Variants in PIWIL2 observed in about 807,000 individuals in gnomAD.
PIWIL2 encodes piwi like RNA-mediated gene silencing 2, also known as piwi-like protein 2.
Under a neutral mutation model 116.5 loss-of-function variants are expected in PIWIL2, and 81 were observed. The observed-to-expected ratio is 0.70, with a 90% CI of 0.58 to 0.84. The LOEUF (loss-of-function observed/expected upper bound fraction) is 0.84, where lower values mean the gene tolerates loss of function less well. PIWIL2 is among the 40% of genes least tolerant of loss of function. The pLI, the probability that PIWIL2 is intolerant of heterozygous loss-of-function variation, is 0.00. For synonymous variants in PIWIL2, 489 were observed against 429.5 expected (o/e 1.14, Z -1.71); for missense variants, 1,272 against 1,212.3 (o/e 1.05, Z -0.73).
chr8:22,322,586 G>A (rs968938051), intron 20 of PIWIL2, among the ~76,000 whole-genome samples: 6 of 132,210 alleles, frequency 4.5e-5, no homozygotes, highest in Admixed American at 8.1e-5. Context: ...GTCCTGTCCC[G>A]TCCCGTCCTG....
intron 14 of PIWIL2, among the ~76,000 whole-genome samples, chr8:22,308,943 G>A (rs899562969): frequency 3.3e-5 from 5 of 150,534 alleles, no homozygotes; most frequent in Non-Finnish European, 4.4e-5. Context: ...GAGCCACCAC[G>A]CTAGCCCTTG....
intron 20 of PIWIL2, among the ~76,000 whole-genome samples, chr8:22,350,534 T>C (rs1034748085): frequency 1.3e-5 from 2 of 151,830 alleles, no homozygotes. Context: ...GAGGTGGAGG[T>C]TGCAGTGAGC....
At position 22,317,844 on chromosome 8, in the gene PIWIL2, G is replaced by A. The variant is rs558237033; in HGVS notation, c.2298-326G>A. Among the ~76,000 whole-genome samples, 65 of 151,966 alleles carry A rather than the reference G, an allele frequency of 4.3e-4. 1 individual carries two copies. Among genetic ancestry groups the A allele is most frequent in the African/African-American group, 1.6e-3 (65 of 41,464 alleles). On this transcript the variant is annotated intron_variant, in intron 19 of 22. Transcript: ENST00000356766. ...CCGGCTAATTTTTTTTGTACTTTTA[G>A]TAGAGACGGGGTTTCACCGTGTTAG...
chr8:22,293,251 A>G (rs532506300), intron 10 of PIWIL2, among the ~76,000 whole-genome samples: 2 of 152,174 alleles, frequency 1.3e-5, no homozygotes, highest in South Asian at 2.1e-4. Flanking sequence ...CAAGGCTGCA[A>G]TGTGCTATGG....
chr8:22,349,553 A>G (rs2132109528), intron 20 of PIWIL2, among the ~76,000 whole-genome samples: 1 of 152,010 alleles, frequency 6.6e-6, no homozygotes, highest in South Asian at 2.1e-4. Flanking sequence ...CTAAAGGAGT[A>G]GCAGAGTCAG....
At chr8:22,277,184 G>A (rs1830397535) in intron 1 of PIWIL2, among the ~76,000 whole-genome samples, 2 of 152,020 alleles carry the variant, frequency 1.3e-5, no homozygotes, top group Admixed American at 6.6e-5. Context: ...ACCATGCCTG[G>A]CTAATTTTTG....
chr8:22,353,067 G>T lies in PIWIL2; in HGVS notation c.2512G>T (p.Glu838Ter). ...YEIPQLQKCF[E>*]AFENYQPKMV... ...GATTCCTCAACTACAGAAGTGTTTT[G>T]AAGCTTTTGAGAATTATCAGCCCAA... The change falls in exon 21 of 23, where the codon GAA becomes TAA. Residue 838 changes from glutamate to a stop codon, truncating the protein, a stop_gained. Transcript: ENST00000356766. LOFTEE classifies it high-confidence loss of function. 6.2e-7 allele frequency: 1 copy of T among 1,614,186 alleles called. No homozygotes were observed.
At chr8:22,349,419 G>GTATATATATATA (rs71206515) in intron 20 of PIWIL2, among the ~76,000 whole-genome samples, 9 of 134,440 alleles carry the variant, frequency 6.7e-5, no homozygotes, top group Admixed American at 1.5e-4. Context: ...ATGTGTGTGT[G>GTATATATATATA]TATATATATA....
At chr8:22,349,421 A>G (rs111697385) in intron 20 of PIWIL2, among the ~76,000 whole-genome samples, 9,116 of 124,620 alleles carry the variant, frequency 0.073, 982 homozygotes, top group African/African-American at 0.29. Flanking sequence ...GTGTGTGTGT[A>G]TATATATATA....
chr8:22,300,826 G>T (rs886216731), intron 10 of PIWIL2, among the ~76,000 whole-genome samples: 1 of 152,068 alleles, frequency 6.6e-6, no homozygotes, highest in Non-Finnish European at 1.5e-5. Flanking sequence ...CATATCTTTT[G>T]CCTATTTTAA....
chr8:22,317,771 T>A (rs971799993), intron 19 of PIWIL2, among the ~76,000 whole-genome samples: 1 of 152,106 alleles, frequency 6.6e-6, no homozygotes, highest in Non-Finnish European at 1.5e-5. Flanking sequence ...GCCATTCTCC[T>A]GCCTCAGCCT....
chr8:22,336,753 A>G (rs1313637483), intron 20 of PIWIL2, among the ~76,000 whole-genome samples: 1 of 152,188 alleles, frequency 6.6e-6, no homozygotes, highest in Non-Finnish European at 1.5e-5. Flanking sequence ...AAATAATATT[A>G]GTAGATATTA....
intron 10 of PIWIL2, among the ~76,000 whole-genome samples, chr8:22,298,022 T>G (rs1214873228): frequency 1.3e-5 from 2 of 152,148 alleles, no homozygotes; most frequent in East Asian, 3.9e-4. Context: ...TTTGGAAGGC[T>G]GAGGAGGGTG....
chr8:22,301,272 G>A (rs900284578), intron 10 of PIWIL2, among the ~76,000 whole-genome samples: 1 of 151,958 alleles, frequency 6.6e-6, no homozygotes, highest in Non-Finnish European at 1.5e-5. Context: ...CACCCGGCCA[G>A]TGGTCCCTTT....
At chr8:22,343,059 G>C (rs1439722007) in intron 20 of PIWIL2, among the ~76,000 whole-genome samples, 2 of 151,978 alleles carry the variant, frequency 1.3e-5, no homozygotes, top group Non-Finnish European at 1.5e-5. Context: ...ATGAGGCCAG[G>C]AGTTTGAGAC....
intron 20 of PIWIL2, among the ~76,000 whole-genome samples, chr8:22,324,823 C>T (rs987405074): frequency 4.6e-5 from 7 of 152,152 alleles, no homozygotes; most frequent in Non-Finnish European, 1.0e-4. Flanking sequence ...GGCAGACACA[C>T]ATAGACGGAA....
chr8:22,316,624 G>A (rs1831466235), intron 19 of PIWIL2, among the ~76,000 whole-genome samples: 2 of 151,578 alleles, frequency 1.3e-5, no homozygotes, highest in African/African-American at 4.9e-5. Context: ...TGGGATTACA[G>A]GTGCGCACCA....
chr8:22,316,483 T>TG, intron 19 of PIWIL2, 150 bp downstream of exon 19: 1 of 546,784 alleles, frequency 1.8e-6, no homozygotes, highest in Non-Finnish European at 3.3e-6. Context: ...AATTTTTTTT[T>TG]TCGGGGGGGA....
At chr8:22,306,731 C>G (rs1163779750) in intron 13 of PIWIL2, among the ~76,000 whole-genome samples, 1 of 152,180 alleles carries the variant, frequency 6.6e-6, no homozygotes, top group Non-Finnish European at 1.5e-5. Flanking sequence ...CTCCAAATTC[C>G]TATGAGAGAT....
Sources: gnomAD v4.1 joint callset for allele counts (sites outside exome capture counted in the v4.1 genomes callset) on GRCh38, gnomAD v4.1.1 for gene constraint, MANE v1.5 for transcripts, NCBI Gene and HGNC (gene_info 2026-07-23, HGNC 2026-07-21) for gene names.